Variants in PPP2R2B observed in about 807,000 individuals in gnomAD.
PPP2R2B encodes the protein serine/threonine-protein phosphatase 2A 55 kDa regulatory subunit B beta isoform.
PPP2R2B carries 5 observed loss-of-function variants against 46.0 expected under a neutral mutation model. That is an observed-to-expected ratio of 0.11 (90% CI 0.06 to 0.23). The LOEUF is 0.23. Ranked by LOEUF, PPP2R2B falls within the 10% of genes least tolerant of loss-of-function variation. The pLI is 1.00. For missense variants in PPP2R2B, 367 were observed against 575.0 expected, an observed-to-expected ratio of 0.64 and a Z score of 3.70; for synonymous variants, 215 against 206.7, an observed-to-expected ratio of 1.04 and a Z score of -0.34.
intron 2 of PPP2R2B, among the ~76,000 whole-genome samples, chr5:146,737,295 T>C (rs1396691157): frequency 2.0e-5 from 3 of 152,228 alleles, no homozygotes; most frequent in Admixed American, 6.5e-5. Context: ...GTCTACTTCA[T>C]GCAAAGACCT....
intron 2 of PPP2R2B, among the ~76,000 whole-genome samples, chr5:146,799,145 A>G (rs956984759): frequency 6.6e-6 from 1 of 152,212 alleles, no homozygotes; most frequent in Non-Finnish European, 1.5e-5. Context: ...TTTCTTCACT[A>G]AACAATGAGG....
intron 7 of PPP2R2B, among the ~76,000 whole-genome samples, chr5:146,615,673 AACTT>A (rs1349010749): frequency 2.3e-4 from 35 of 152,102 alleles, no homozygotes; most frequent in African/African-American, 8.4e-4. Context: ...CCAAGGATTT[AACTT>A]ACTTACCCAG....
intron 2 of PPP2R2B, among the ~76,000 whole-genome samples, chr5:146,784,914 A>C (rs1175052666): frequency 6.6e-6 from 1 of 152,246 alleles, no homozygotes; most frequent in African/African-American, 2.4e-5. Context: ...TTTACAAAGG[A>C]ATAAAATAGA....
chr5:147,069,205 A>G (rs1004363257), intron 2 of PPP2R2B, among the ~76,000 whole-genome samples: 5 of 152,182 alleles, frequency 3.3e-5, no homozygotes, highest in Non-Finnish European at 1.5e-5. Context: ...AGCACAGTGA[A>G]CTTCAGACCA....
intron 5 of PPP2R2B, among the ~76,000 whole-genome samples, chr5:146,657,456 C>A (rs767016237): frequency 1.3e-5 from 2 of 152,170 alleles, no homozygotes; most frequent in East Asian, 1.9e-4. Context: ...TAGGTCAAAT[C>A]TCATTGAGGT....
rs10605079 is a variant in PPP2R2B at position 146,767,045 on chromosome 5, C to CAA, written c.71-65905_71-65904dup. Among the ~76,000 whole-genome samples the CAA allele has an allele frequency of 1.5e-3, 70 of 46,310 alleles. 5 individuals are homozygous for CAA. Among genetic ancestry groups the CAA allele is most frequent in the African/African-American group, 5.0e-3 (43 of 8,574 alleles). 30.4% of individuals were successfully genotyped at this position (46,310 alleles called of 152,430 possible). On this transcript the variant is annotated intron_variant, in intron 2 of 9. Coordinates refer to ENST00000394411, the MANE Select transcript of PPP2R2B (RefSeq NM_181675.4). The stretch of plus-strand genomic sequence containing the variant: ...CTCCAGCCTGGGCATAGAAGTGTCT[C>CAA]AAAAAAAAAAAAAAAAAAAAAAAAA...
rs1010076399 is a variant in PPP2R2B at position 146,584,577 on chromosome 5, C to T, written c.*5370G>A. ...ATCTAACCCTTTTGAGTCTGTTTCT[C>T]GCTATAAAAATGGAATAATACATCT... On this transcript the variant is annotated 3_prime_UTR_variant, in exon 10 of 10. Coordinates refer to ENST00000394411, the MANE Select transcript of PPP2R2B (RefSeq NM_181675.4). 2.0e-5 allele frequency: 3 copies of T among 152,228 alleles called. No individual in the cohort carries two copies. The East Asian group carries it at 5.8e-4, about 29-fold the overall frequency. The allele number at this position is 152,228 out of a possible 1,614,324, so 9.4% of individuals were successfully genotyped here.
chr5:146,859,853 T>G (rs1444867184), intron 2 of PPP2R2B, among the ~76,000 whole-genome samples: 6 of 152,036 alleles, frequency 3.9e-5, no homozygotes, highest in Non-Finnish European at 8.8e-5. Context: ...ACGTGGCCTA[T>G]GTATAGATTA....
intron 7 of PPP2R2B, among the ~76,000 whole-genome samples, chr5:146,627,603 C>G (rs1774149299): frequency 6.6e-6 from 1 of 152,168 alleles, no homozygotes; most frequent in Admixed American, 6.5e-5. Flanking sequence ...AAACATCATG[C>G]TCTTTATCCT....
chr5:146,691,703 G>T (rs1235245589), intron 4 of PPP2R2B, among the ~76,000 whole-genome samples: 1 of 151,992 alleles, frequency 6.6e-6, no homozygotes, highest in Non-Finnish European at 1.5e-5. Flanking sequence ...TTCATGACCT[G>T]CCCTCTCCAC....
At position 146,718,108 on chromosome 5, in the gene PPP2R2B, G is replaced by A. The variant is rs145329010; in HGVS notation, c.71-16966C>T. On this transcript the variant is annotated intron_variant, in intron 2 of 9. Coordinates refer to ENST00000394411, the MANE Select transcript of PPP2R2B (RefSeq NM_181675.4). ...CACAAGAATTCATAATTCACAGGAA[G>A]CACAGCTGATTTTTTTTTTAACCAA... Among the ~76,000 whole-genome samples the A allele has an allele frequency of 4.2e-3, 634 of 152,142 alleles. 2 individuals carry two copies. Among genetic ancestry groups the A allele is most frequent in the Non-Finnish European group, 7.3e-3 (498 of 68,002 alleles).
chr5:146,863,219 A>C (rs183215764), intron 2 of PPP2R2B, among the ~76,000 whole-genome samples: 1 of 152,244 alleles, frequency 6.6e-6, no homozygotes, highest in Admixed American at 6.5e-5. Flanking sequence ...GACTTCTAAA[A>C]CATAGTATGT....
chr5:146,809,853 G>A (rs1353320849), intron 2 of PPP2R2B, among the ~76,000 whole-genome samples: 1 of 152,184 alleles, frequency 6.6e-6, no homozygotes, highest in Non-Finnish European at 1.5e-5. Flanking sequence ...ACCCGGTAGG[G>A]GCTCTGTCTG....
At chr5:147,003,712 G>T (rs1158319724) in intron 1 of PPP2R2B, among the ~76,000 whole-genome samples, 1 of 152,080 alleles carries the variant, frequency 6.6e-6, no homozygotes, top group East Asian at 1.9e-4. Flanking sequence ...GGGGACTGGA[G>T]TTGCAAACAT....
At chr5:146,981,581 G>T (rs994071258) in intron 1 of PPP2R2B, among the ~76,000 whole-genome samples, 2 of 152,052 alleles carry the variant, frequency 1.3e-5, no homozygotes, top group African/African-American at 4.8e-5. Context: ...ATAATACACA[G>T]AGAACACTTG....
intron 6 of PPP2R2B, among the ~76,000 whole-genome samples, chr5:146,640,208 C>A (rs1048769385): frequency 3.9e-5 from 6 of 152,328 alleles, no homozygotes; most frequent in Admixed American, 2.6e-4. Context: ...CTCTTATAAA[C>A]CCTATTGGGT....
At chr5:146,766,687 A>G (rs1300960069) in intron 2 of PPP2R2B, among the ~76,000 whole-genome samples, 1 of 152,218 alleles carries the variant, frequency 6.6e-6, no homozygotes, top group Non-Finnish European at 1.5e-5. Flanking sequence ...TCTCACAGAC[A>G]GCAAGTTCTT....
In PPP2R2B at chr5:146,581,124, A is replaced by C. The variant is rs1027459489; in HGVS notation, c.*8823T>G. 6.6e-6 allele frequency: 1 copy of C among 152,206 alleles called. No homozygotes were observed. The highest frequency in any genetic ancestry group is 2.4e-5 in the African/African-American group (1 of 41,446). The allele number at this position is 152,206 out of a possible 1,614,324, so 9.4% of individuals were successfully genotyped here. A position where few individuals can be genotyped will look rare whatever the true frequency, so the allele number is the denominator to read the frequency against. ...GTCTGTTCTTGCATTGCTATAAAGA[A>C]AAACCCGAGACTGGGTAATTTGTAA... On this transcript the variant is annotated 3_prime_UTR_variant, in exon 10 of 10. Coordinates refer to ENST00000394411, the MANE Select transcript of PPP2R2B (RefSeq NM_181675.4).
intron 2 of PPP2R2B, among the ~76,000 whole-genome samples, chr5:146,758,783 G>A (rs1753986484): frequency 6.6e-6 from 1 of 152,150 alleles, no homozygotes; most frequent in South Asian, 2.1e-4. Flanking sequence ...GTAGGTCATA[G>A]GAATAATCCT....
Sources: gnomAD v4.1 joint callset for allele counts (sites outside exome capture counted in the v4.1 genomes callset) on GRCh38, gnomAD v4.1.1 for gene constraint, MANE v1.5 for transcripts, NCBI Gene and HGNC (gene_info 2026-07-23, HGNC 2026-07-21) for gene names.